PRSS23: variants seen among roughly 807,000 people sequenced by gnomAD.
PRSS23 encodes serine protease 23.
In PRSS23, 25 loss-of-function variants were observed where a neutral mutation model predicts 34.7. The observed-to-expected ratio is 0.72, with a 90% CI of 0.53 to 1.01. The LOEUF (loss-of-function observed/expected upper bound fraction) is 1.01, where lower values mean the gene tolerates loss of function less well. PRSS23 is among the 50% of genes least tolerant of loss of function. The pLI is 0.00. For missense variants in PRSS23, 445 were observed against 475.6 expected, an observed-to-expected ratio of 0.94 and a Z score of 0.60; for synonymous variants, 176 against 186.6, an observed-to-expected ratio of 0.94 and a Z score of 0.46.
At chr11:86,818,359 T>C (rs1948228001) in intron 1 of PRSS23, among the ~76,000 whole-genome samples, 1 of 152,148 alleles carries the variant, frequency 6.6e-6, no homozygotes, top group African/African-American at 2.4e-5. Flanking sequence ...GTTTCTCGAG[T>C]GCCTGGGGTG....
At chr11:86,796,481 A>T (rs1157248034), upstream of PRSS23, among the ~76,000 whole-genome samples, 1 of 151,556 alleles carries the variant, frequency 6.6e-6, no homozygotes, top group Non-Finnish European at 1.5e-5. Context: ...CTCTACTAAA[A>T]ATACAAAAAA....
chr11:86,833,100 GC>G (rs1948373515), intron 2 of PRSS23: 8 of 619,924 alleles, frequency 1.3e-5, no homozygotes, highest in Non-Finnish European at 1.8e-5. Flanking sequence ...CCGGTCATAG[GC>G]CCTCACACTC....
In PRSS23 at chr11:86,852,186, G is replaced by A. The variant is rs112291027; in HGVS notation, c.206+28593G>A. ...GGTGCACGATGGAGTCTCAGAGTCC[G>A]TCCTCAAGACTGGCAAGAAGACAGG... On this transcript the variant is annotated intron_variant, in intron 2 of 2. Coordinates refer to the PRSS23 transcript ENST00000533902. Among the ~76,000 whole-genome samples the A allele has an allele frequency of 5.8e-4, 89 of 152,284 alleles. 1 individual carries two copies. Among genetic ancestry groups the A allele is most frequent in the African/African-American group, 2.0e-3 (81 of 41,536 alleles).
chr11:86,831,626 G>T (rs1948356492), intron 2 of PRSS23, among the ~76,000 whole-genome samples: 1 of 151,106 alleles, frequency 6.6e-6, no homozygotes, highest in Admixed American at 6.6e-5. Flanking sequence ...GTCACAGGGG[G>T]TGTACGCCCT....
At chr11:86,895,571 T>C (rs995087478) in intron 2 of PRSS23, among the ~76,000 whole-genome samples, 9 of 148,102 alleles carry the variant, frequency 6.1e-5, no homozygotes, top group Admixed American at 5.5e-4. Context: ...CCTTGACCTC[T>C]TGGGCTCAAG....
chr11:86,923,469 T>C (rs1426162575), intron 2 of PRSS23, among the ~76,000 whole-genome samples: 1 of 152,218 alleles, frequency 6.6e-6, no homozygotes, highest in Non-Finnish European at 1.5e-5. Flanking sequence ...TTATACATTA[T>C]ATTTCTAATG....
Position 86,836,208 on chromosome 11 carries a change from G to A in PRSS23, c.206+12615G>A, listed in dbSNP as rs188523752. 2.5e-4 allele frequency among the ~76,000 whole-genome samples: 38 copies of A among 152,260 alleles called. 1 individual carries two copies. The East Asian group carries it at 4.1e-3, about 16-fold the overall frequency. ...GATCTTGCACTAACCTCCACTGTCC[G>A]TTGGGTTTCTGTACTCCTAAAATTG... On this transcript the variant is annotated intron_variant, in intron 2 of 2. Coordinates refer to the PRSS23 transcript ENST00000533902.
intron 1 of PRSS23, chr11:86,821,814 C>G (rs1156828817): frequency 1.4e-6 from 1 of 725,124 alleles, no homozygotes; most frequent in Admixed American, 2.7e-5. Flanking sequence ...CCGCCATGAC[C>G]ATAGTGTCAG....
rs542284197 is a variant in PRSS23, at chr11:86,860,563, T to A, written c.206+36970T>A. Among the ~76,000 whole-genome samples the A allele has an allele frequency of 1.5e-4, 23 of 151,836 alleles. No individual in the cohort carries two copies. In the South Asian group the frequency reaches 4.8e-3, roughly 32 times the overall value. On this transcript the variant is annotated intron_variant, in intron 2 of 2. Transcript: ENST00000533902. ...ATATCCAGGGAGGGAGAGGATGACA[T>A]TACATTCAATATCACAAGAGGTGTA...
At chr11:86,876,670 C>CACGAATA (rs1412464336) in intron 2 of PRSS23, among the ~76,000 whole-genome samples, 1 of 151,788 alleles carries the variant, frequency 6.6e-6, no homozygotes. Context: ...CAAGACTATT[C>CACGAATA]GTGATTCCTA....
chr11:86,945,849 G>A (rs1949238127), intron 2 of PRSS23: 1 of 152,532 alleles, frequency 6.6e-6, no homozygotes, highest in African/African-American at 2.4e-5. Context: ...TTCAGGGCAT[G>A]TGTAGCAGGA....
At chr11:86,870,237 T>A (rs1166641771) in intron 2 of PRSS23, among the ~76,000 whole-genome samples, 1 of 111,704 alleles carries the variant, frequency 9.0e-6, no homozygotes. Flanking sequence ...GAGATGGTGA[T>A]TTTTTTTTTT....
rs75366261 is a variant in PRSS23 at position 86,855,371 on chromosome 11, C to T, written c.206+31778C>T. ...TTTCCCTACTGTACTGTCAAACAGT[C>T]GAACTCATTTATTCCATCTTTCTGT... On this transcript the variant is annotated intron_variant, in intron 2 of 2. Transcript: ENST00000533902. 9.6e-4 allele frequency among the ~76,000 whole-genome samples: 146 copies of T among 152,230 alleles called. 1 individual carries two copies. In the East Asian group the frequency reaches 0.022, roughly 23 times the overall value.
At position 86,808,343 on chromosome 11, in the gene PRSS23, A is replaced by G. The variant is rs112269979; in HGVS notation, c.700A>G (p.Ile234Val). Residue 234 changes from isoleucine to valine, a missense_variant, in exon 2 of 2, where the codon ATC (isoleucine) becomes GTC (valine). Ile to Val is a conservative substitution (Grantham distance 29). Transcript: ENST00000280258. ...VKRTHVPKGW[I>V]KGNANDIGMD... Reference sequence around the variant, plus strand: ...ACGCACCCATGTGCCCAAGGGTTGGATCAAGGGCAATGCCAATGACATCGG... The same window carrying G: ...ACGCACCCATGTGCCCAAGGGTTGGGTCAAGGGCAATGCCAATGACATCGG... The G allele has an allele frequency of 1.9e-3, 3,106 of 1,614,186 alleles. 9 individuals are homozygous for G. Among genetic ancestry groups the G allele is most frequent in the Non-Finnish European group, 2.4e-3 (2,809 of 1,180,040 alleles).
rs56369539 is a variant in PRSS23, at chr11:86,930,789, CAA to C, written c.207-20412_207-20411del. 2.7e-3 allele frequency among the ~76,000 whole-genome samples: 332 copies of C among 123,916 alleles called. 1 individual carries two copies. Among genetic ancestry groups the C allele is most frequent in the East Asian group, 0.02 (84 of 4,222 alleles). The allele number at this position is 123,916 out of a possible 152,430, so 81.3% of individuals were successfully genotyped here. ...TGGGCGACAGAGCGAGACTCCGTCT[CAA>C]AAAAAAAAAAAAAAGAACGGCTGAC... On this transcript the variant is annotated intron_variant, in intron 2 of 2. Coordinates refer to the PRSS23 transcript ENST00000533902.
chr11:86,925,911 T>G (rs1485422789), intron 2 of PRSS23, among the ~76,000 whole-genome samples: 1 of 152,208 alleles, frequency 6.6e-6, no homozygotes, highest in Non-Finnish European at 1.5e-5. Flanking sequence ...ATTTCAAAAT[T>G]TGGGGGTTTG....
chr11:86,827,873 G>A (rs891583818), intron 2 of PRSS23, among the ~76,000 whole-genome samples: 2 of 152,082 alleles, frequency 1.3e-5, no homozygotes, highest in Non-Finnish European at 2.9e-5. Flanking sequence ...TTGTAATAAT[G>A]TCTGATCTTT....
At chr11:86,945,253 CTTTTT>C (rs371290679) in intron 2 of PRSS23, among the ~76,000 whole-genome samples, 1,843 of 151,410 alleles carry the variant, frequency 0.012, 13 homozygotes, top group Middle Eastern at 0.037. Context: ...TTTCCCTTCC[CTTTTT>C]TAAGAGGCCA....
Position 86,886,399 on chromosome 11 carries a change from C to T in PRSS23, c.206+62806C>T, listed in dbSNP as rs560521007. Among the ~76,000 whole-genome samples, 205 of 152,192 alleles carry T rather than the reference C, an allele frequency of 1.3e-3. 1 individual carries two copies. Among genetic ancestry groups the T allele is most frequent in the Non-Finnish European group, 2.7e-3 (187 of 68,030 alleles). ...GCTCCCTCCCTGCACTGCAACACAA[C>T]TCTGAAGTGCTCTCCCAGCTTTAAA... On this transcript the variant is annotated intron_variant, in intron 2 of 2. Transcript: ENST00000533902.
Sources: allele counts gnomAD v4.1 joint callset (sites outside exome capture counted in the v4.1 genomes callset), GRCh38; gene constraint gnomAD v4.1.1; transcripts MANE v1.5; gene names NCBI Gene and HGNC (gene_info 2026-07-23, HGNC 2026-07-21).